The following LOC122539214 variants were observed in gnomAD, a reference collection of about 807,000 sequenced individuals.
At chr19:52,672,511 G>C in the LOC122539214 span, among the ~76,000 whole-genome samples, 1 of 152,198 alleles carries the variant, frequency 6.6e-6, no homozygotes, top group Non-Finnish European at 1.5e-5. Flanking sequence ...ATGATGGGAG[G>C]CTGAGGCAGG....
chr19:52,671,484 C>T, the LOC122539214 span, among the ~76,000 whole-genome samples: 1 of 151,936 alleles, frequency 6.6e-6, no homozygotes, highest in Non-Finnish European at 1.5e-5. Context: ...AGTTCTGTCA[C>T]CCCGGCTGGA....
chr19:52,687,408 ATAAAT>A, the LOC122539214 span, among the ~76,000 whole-genome samples: 69 of 52,912 alleles, frequency 1.3e-3, 27 homozygotes, highest in African/African-American at 6.8e-3. Flanking sequence ...ATATAGCTAT[ATAAAT>A]TATAATATAA....
the LOC122539214 span, among the ~76,000 whole-genome samples, chr19:52,687,630 AATG>A: frequency 7.8e-5 from 1 of 12,772 alleles, no homozygotes; most frequent in Non-Finnish European, 1.4e-4. Flanking sequence ...ATATATATAT[AATG>A]TATATATATA....
the LOC122539214 span, among the ~76,000 whole-genome samples, chr19:52,676,118 T>C: frequency 6.6e-6 from 1 of 152,174 alleles, no homozygotes; most frequent in African/African-American, 2.4e-5. Context: ...GTGCCTGCAA[T>C]TGCAGGCGCG....
the LOC122539214 span, among the ~76,000 whole-genome samples, chr19:52,683,269 TG>T: frequency 1.4e-4 from 15 of 104,762 alleles, no homozygotes; most frequent in Non-Finnish European, 3.1e-4. Context: ...TGTGTGTGTG[TG>T]TGTGTGTGTG....
At chr19:52,688,888 C>G in the LOC122539214 span, among the ~76,000 whole-genome samples, 1 of 150,072 alleles carries the variant, frequency 6.7e-6, no homozygotes, top group African/African-American at 2.5e-5. Context: ...TAACGCTGTC[C>G]GAATAGCCAA....
chr19:52,682,869 T>G, the LOC122539214 span, among the ~76,000 whole-genome samples: 19 of 151,964 alleles, frequency 1.3e-4, no homozygotes, highest in Non-Finnish European at 2.9e-5. Context: ...ACCTTCTCTC[T>G]CTGTCTCTCT....
At chr19:52,656,154 G>A in the LOC122539214 span, among the ~76,000 whole-genome samples, 1 of 152,004 alleles carries the variant, frequency 6.6e-6, no homozygotes, top group African/African-American at 2.4e-5. Flanking sequence ...CAAAGGTTGC[G>A]GTGAGCTGAG....
At chr19:52,680,562 A>AT in the LOC122539214 span, among the ~76,000 whole-genome samples, 2 of 147,778 alleles carry the variant, frequency 1.4e-5, no homozygotes, top group East Asian at 2.0e-4. Context: ...ATTTTGGCAC[A>AT]TTTTTTCTCC....
At chr19:52,670,188 C>T in the LOC122539214 span, among the ~76,000 whole-genome samples, 2 of 152,040 alleles carry the variant, frequency 1.3e-5, no homozygotes, top group Non-Finnish European at 2.9e-5. Flanking sequence ...CACCTTGACT[C>T]ATTCTGATCA....
chr19:52,689,926 T>C, the LOC122539214 span, among the ~76,000 whole-genome samples: 1 of 152,140 alleles, frequency 6.6e-6, no homozygotes, highest in African/African-American at 2.4e-5. Flanking sequence ...AAGCGGTGAC[T>C]GCGGAGGAGA....
the LOC122539214 span, among the ~76,000 whole-genome samples, chr19:52,684,871 G>A: frequency 2.0e-5 from 3 of 152,206 alleles, no homozygotes; most frequent in Non-Finnish European, 2.9e-5. Flanking sequence ...ACTGGCAGGG[G>A]CCCTGGACAC....
At chr19:52,654,219 A>G in the LOC122539214 span, 2,827 of 1,586,454 alleles carry the variant, frequency 1.8e-3, 49 homozygotes, top group African/African-American at 0.032. Context: ...TGGGTGCTTC[A>G]TGGCCATTTC....
chr19:52,671,511 A>C, the LOC122539214 span, among the ~76,000 whole-genome samples: 1 of 151,898 alleles, frequency 6.6e-6, no homozygotes, highest in Non-Finnish European at 1.5e-5. Context: ...TGGCAGGAAC[A>C]CTGCTCCTTG....
chr19:52,653,063 A>T, the LOC122539214 span: 2 of 1,487,524 alleles, frequency 1.3e-6, no homozygotes, highest in Non-Finnish European at 1.9e-6. Flanking sequence ...TTACACTTGT[A>T]AGGTTTCTCT....
At chr19:52,680,749 A>G in the LOC122539214 span, among the ~76,000 whole-genome samples, 1 of 141,668 alleles carries the variant, frequency 7.1e-6, no homozygotes, top group Non-Finnish European at 1.5e-5. Context: ...AGTAACTGGG[A>G]CTACAGGCGC....
At chr19:52,658,547 A>AG in the LOC122539214 span, among the ~76,000 whole-genome samples, 3 of 152,294 alleles carry the variant, frequency 2.0e-5, no homozygotes, top group Admixed American at 2.0e-4. Flanking sequence ...CCTGGGTGAC[A>AG]GTGTTGGGAT....
At chr19:52,687,793 C>T in the LOC122539214 span, among the ~76,000 whole-genome samples, 1,674 of 147,998 alleles carry the variant, frequency 0.011, 36 homozygotes, top group African/African-American at 0.039. Flanking sequence ...CCACTGCACT[C>T]CAGCCCGAGT....
the LOC122539214 span, among the ~76,000 whole-genome samples, chr19:52,683,323 A>G: frequency 6.6e-6 from 1 of 150,764 alleles, no homozygotes; most frequent in Non-Finnish European, 1.5e-5. Context: ...CCAGTAGAGC[A>G]TCATCGCCAC....
Sources: gnomAD v4.1 joint callset for allele counts (sites outside exome capture counted in the v4.1 genomes callset) on GRCh38, gnomAD v4.1.1 for gene constraint, MANE v1.5 for transcripts.